The following BICC1 variants were observed in gnomAD, a reference collection of about 807,000 sequenced individuals.
BICC1 encodes protein bicaudal C homolog 1.
BICC1 carries 43 observed loss-of-function variants against 111.0 expected under a neutral mutation model. That is an observed-to-expected ratio of 0.39 (90% CI 0.30 to 0.50). BICC1 has a LOEUF of 0.50. Among genes scored for constraint, BICC1 ranks in the 20% least tolerant of loss-of-function variants. The pLI, the probability that BICC1 is intolerant of heterozygous loss-of-function variation, is 0.88. For missense variants in BICC1, 1,091 were observed against 1,203.2 expected (o/e 0.91, Z 1.38); for synonymous variants, 467 against 434.4 (o/e 1.07, Z -0.93).
At chr10:58,734,213 C>G (rs1382754544) in intron 3 of BICC1, among the ~76,000 whole-genome samples, 1 of 152,164 alleles carries the variant, frequency 6.6e-6, no homozygotes, top group African/African-American at 2.4e-5. Context: ...GCCGACTTGG[C>G]AAGGATTTTA....
intron 2 of BICC1, among the ~76,000 whole-genome samples, chr10:58,687,645 C>T (rs1389923619): frequency 6.6e-6 from 1 of 152,196 alleles, no homozygotes; most frequent in African/African-American, 2.4e-5. Flanking sequence ...GAGTGAGGCT[C>T]CGTGGGCATG....
At chr10:58,701,201 G>A (rs927079264) in intron 2 of BICC1, among the ~76,000 whole-genome samples, 1 of 152,136 alleles carries the variant, frequency 6.6e-6, no homozygotes, top group Non-Finnish European at 1.5e-5. Context: ...TCTAATTCAA[G>A]TGATTAAATT....
At chr10:58,825,428 G>A (rs557507356) in intron 20 of BICC1, among the ~76,000 whole-genome samples, 57 of 152,156 alleles carry the variant, frequency 3.7e-4, no homozygotes, top group African/African-American at 1.3e-3. Context: ...TGTCAAGAAC[G>A]CATATGTATG....
At chr10:58,719,511 TC>T (rs1014364370) in intron 3 of BICC1, among the ~76,000 whole-genome samples, 4 of 21,816 alleles carry the variant, frequency 1.8e-4, no homozygotes, top group Non-Finnish European at 4.7e-4. Context: ...TGGGCACTTT[TC>T]TTTTTTTTTT....
intron 3 of BICC1, among the ~76,000 whole-genome samples, chr10:58,738,069 C>CTG (rs1165794896): frequency 6.6e-6 from 1 of 152,164 alleles, no homozygotes; most frequent in African/African-American, 2.4e-5. Flanking sequence ...GTTTCTTTTG[C>CTG]TGTGCAGAAG....
intron 3 of BICC1, among the ~76,000 whole-genome samples, chr10:58,713,414 G>A (rs1589051536): frequency 6.6e-6 from 1 of 152,124 alleles, no homozygotes; most frequent in Non-Finnish European, 1.5e-5. Flanking sequence ...TTTGTAATAG[G>A]CATTATAATA....
Position 58,513,225 on chromosome 10 carries a change from G to C in BICC1, c.82G>C (p.Val28Leu). The C allele has an allele frequency of 1.2e-6, 2 of 1,612,366 alleles. No homozygotes were observed. Among genetic ancestry groups the C allele is most frequent in the Non-Finnish European group, 1.7e-6 (2 of 1,179,530 alleles). The stretch of plus-strand genomic sequence containing the variant: ...CAGCGAGCGCAGCACCGACTCCCCA[G>C]TGCCCGGCTCCGAGGACGACTTGGT... ...SNSERSTDSP[V>L]PGSEDDLVAG... The change falls in exon 1 of 21, where the codon GTG (valine) becomes CTG (leucine). Residue 28 changes from valine to leucine, a missense_variant. Coordinates refer to ENST00000373886, the MANE Select transcript of BICC1 (RefSeq NM_001080512.3).
chr10:58,557,344 C>CTTT (rs35079883), intron 1 of BICC1, among the ~76,000 whole-genome samples: 3,685 of 143,978 alleles, frequency 0.026, 164 homozygotes, highest in African/African-American at 0.091. Context: ...ATGACAGCGT[C>CTTT]TTTTTTTTTT....
At chr10:58,676,437 G>A (rs933075770) in intron 2 of BICC1, among the ~76,000 whole-genome samples, 1 of 152,154 alleles carries the variant, frequency 6.6e-6, no homozygotes, top group Non-Finnish European at 1.5e-5. Flanking sequence ...AGCTTGGTAG[G>A]GGGAAGGGCA....
At chr10:58,692,998 C>T (rs931524871) in intron 2 of BICC1, among the ~76,000 whole-genome samples, 2 of 152,102 alleles carry the variant, frequency 1.3e-5, no homozygotes, top group Non-Finnish European at 2.9e-5. Flanking sequence ...TCTCCTAATG[C>T]TATCCCTCCC....
chr10:58,590,600 T>A (rs540376233), intron 1 of BICC1, among the ~76,000 whole-genome samples: 2 of 152,236 alleles, frequency 1.3e-5, no homozygotes, highest in Admixed American at 1.3e-4. Context: ...GGGAAGTGAG[T>A]GTATTTCCCT....
At chr10:58,754,281 A>G (rs1280936789) in intron 3 of BICC1, among the ~76,000 whole-genome samples, 1 of 152,188 alleles carries the variant, frequency 6.6e-6, no homozygotes, top group Non-Finnish European at 1.5e-5. Context: ...GGAAATTTAG[A>G]GTGAATAACT....
intron 1 of BICC1, among the ~76,000 whole-genome samples, chr10:58,531,122 T>G (rs1206368590): frequency 1.3e-5 from 2 of 151,844 alleles, no homozygotes; most frequent in Non-Finnish European, 2.9e-5. Context: ...TGGAATTATG[T>G]CCAATGTGCT....
chr10:58,712,637 T>C (rs1420408344), intron 3 of BICC1, among the ~76,000 whole-genome samples: 2 of 152,206 alleles, frequency 1.3e-5, no homozygotes, highest in Non-Finnish European at 2.9e-5. Flanking sequence ...TTCAACTCTA[T>C]GTCATTGTAG....
At chr10:58,541,466 A>G (rs1455540308) in intron 1 of BICC1, among the ~76,000 whole-genome samples, 4 of 152,150 alleles carry the variant, frequency 2.6e-5, no homozygotes, top group African/African-American at 9.7e-5. Flanking sequence ...AGCATCAAAA[A>G]GAATAAAATA....
At position 58,830,336 on chromosome 10, in the gene BICC1, G is replaced by T. The variant is rs1382408250; in HGVS notation, c.*1445G>T. ...TTCTTCAAAGCAATATTATTTCCAA[G>T]TATATTAATTTGTTAGAAAACTTTC... On this transcript the variant is annotated 3_prime_UTR_variant, in exon 21 of 21. Transcript: ENST00000373886. 1 of 152,014 alleles carries T rather than the reference G, an allele frequency of 6.6e-6. No individual in the cohort carries two copies. Among genetic ancestry groups the T allele is most frequent in the Non-Finnish European group, 1.5e-5 (1 of 67,988 alleles). The allele number at this position is 152,014 out of a possible 1,614,324, so 9.4% of individuals were successfully genotyped here.
At chr10:58,715,722 G>C (rs1840719094) in intron 3 of BICC1, 2 of 1,571,542 alleles carry the variant, frequency 1.3e-6, no homozygotes, top group Non-Finnish European at 1.7e-6. Flanking sequence ...AGGTTCCAAG[G>C]CTTTGGCTGA....
chr10:58,666,336 G>C (rs577922294), intron 2 of BICC1, among the ~76,000 whole-genome samples: 2 of 152,168 alleles, frequency 1.3e-5, no homozygotes, highest in Non-Finnish European at 2.9e-5. Flanking sequence ...ATTGTTTCAG[G>C]TGCATATTAC....
intron 1 of BICC1, among the ~76,000 whole-genome samples, chr10:58,607,304 G>A (rs1176641201): frequency 1.7e-4 from 3 of 17,184 alleles, no homozygotes; most frequent in African/African-American, 3.3e-4. Flanking sequence ...CAACAAGAGC[G>A]AAACTCTGTC....
Sources: allele counts gnomAD v4.1 joint callset (sites outside exome capture counted in the v4.1 genomes callset), GRCh38; gene constraint gnomAD v4.1.1; transcripts MANE v1.5; gene names NCBI Gene and HGNC (gene_info 2026-07-23, HGNC 2026-07-21).